BCR: variants seen among roughly 807,000 people sequenced by gnomAD.
BCR encodes breakpoint cluster region protein.
A neutral mutation model predicts 138.6 loss-of-function variants in BCR; 58 were observed. That is an observed-to-expected ratio of 0.42 (90% CI 0.34 to 0.52). The LOEUF is 0.52. Among genes scored for constraint, BCR ranks in the 20% least tolerant of loss-of-function variants. BCR has a pLI of 0.06. For synonymous variants in BCR, 786 were observed against 730.1 expected, an observed-to-expected ratio of 1.08 and a Z score of -1.23; for missense variants, 1,599 against 1,727.2, an observed-to-expected ratio of 0.93 and a Z score of 1.32.
chr22:23,300,022 A>T (rs1481307579), intron 16 of BCR, among the ~76,000 whole-genome samples: 1 of 152,218 alleles, frequency 6.6e-6, no homozygotes. Context: ...AAATTGTAAA[A>T]TAAGCACAAT....
chr22:23,237,392 G>A (rs939368901), intron 1 of BCR, among the ~76,000 whole-genome samples: 13 of 152,240 alleles, frequency 8.5e-5, no homozygotes, highest in Non-Finnish European at 1.8e-4. Context: ...CCGATTGGGA[G>A]TAACAGGTGG....
chr22:23,181,813 G>T lies in BCR; in HGVS notation c.853G>T (p.Gly285Trp), dbSNP rs1311537719. The change falls in exon 1 of 23, where the codon GGG becomes TGG. Residue 285 changes from glycine (G) to tryptophan (W), a missense_variant. Gly to Trp is a radical substitution (Grantham distance 184). This residue lies in a region of BCR where 806 missense variants were observed against 635.0 expected (regional missense o/e 1.27). Coordinates refer to ENST00000305877, the MANE Select transcript of BCR (RefSeq NM_004327.4). ...CCAGCCCTACCAGAGCATCTACGTC[G>T]GGGGCATGATGGAAGGGGAGGGCAA... ...EYQPYQSIYV[G>W]GMMEGEGKGP... 6 of 1,610,696 alleles carry T rather than the reference G, an allele frequency of 3.7e-6. No individual in the cohort carries two copies. The highest frequency in any genetic ancestry group is 4.5e-5 in the East Asian group (2 of 44,882).
intron 1 of BCR, among the ~76,000 whole-genome samples, chr22:23,194,287 C>T (rs910392644): frequency 1.3e-5 from 2 of 152,174 alleles, no homozygotes; most frequent in African/African-American, 4.8e-5. Context: ...TTACCTGAAA[C>T]CTACTTTTCA....
chr22:23,271,131 C>T (rs910833244), intron 5 of BCR, among the ~76,000 whole-genome samples: 6 of 152,330 alleles, frequency 3.9e-5, no homozygotes, highest in South Asian at 4.1e-4. Flanking sequence ...CTCAGCCAGG[C>T]GTGATTTTGT....
At chr22:23,286,473 G>A (rs2073714463) in intron 10 of BCR, among the ~76,000 whole-genome samples, 1 of 152,214 alleles carries the variant, frequency 6.6e-6, no homozygotes, top group Non-Finnish European at 1.5e-5. Context: ...TGTCATCCTT[G>A]TGGGACTGTG....
intron 1 of BCR, among the ~76,000 whole-genome samples, chr22:23,202,969 C>T (rs981229664): frequency 6.6e-6 from 1 of 152,108 alleles, no homozygotes; most frequent in Admixed American, 6.5e-5. Context: ...GTGATCCTCC[C>T]ACCTCAGCCT....
chr22:23,274,464 G>C (rs2073548370), intron 8 of BCR, among the ~76,000 whole-genome samples: 3 of 152,186 alleles, frequency 2.0e-5, no homozygotes, highest in African/African-American at 7.2e-5. Context: ...GTGTAAGCTG[G>C]GGAGCCAGTG....
Position 23,180,923 on chromosome 22 carries a change from G to T in BCR, c.-38G>T. 1.8e-6 allele frequency: 2 copies of T among 1,098,502 alleles called. No individual in the cohort carries two copies. Among genetic ancestry groups the T allele is most frequent in the African/African-American group, 1.7e-5 (1 of 59,312 alleles). 68.0% of individuals were successfully genotyped at this position (1,098,502 alleles called of 1,614,324 possible). A position where few individuals can be genotyped will look rare whatever the true frequency, so the allele number is the denominator to read the frequency against. On this transcript the variant is annotated 5_prime_UTR_variant, in exon 1 of 23. Coordinates refer to ENST00000305877, the MANE Select transcript of BCR (RefSeq NM_004327.4). ...CCGCGCCGCCGCTGAGACGGGCCCC[G>T]CGCGCAGCCCGGCGGCGCAGGTAAG...
In BCR at chr22:23,235,509, G is replaced by A. The variant is rs374915850; in HGVS notation, c.1280-18290G>A. On this transcript the variant is annotated intron_variant, in intron 1 of 22. Transcript: ENST00000305877. ...AAGATGTATATTCCCACTGGGTGGC[G>A]AGGACATAGATGTCCAGGCCCATGT... Among the ~76,000 whole-genome samples the A allele has an allele frequency of 1.4e-5, 2 of 144,488 alleles. 1 individual carries two copies. Among genetic ancestry groups the A allele is most frequent in the Non-Finnish European group, 3.1e-5 (2 of 63,618 alleles). 94.8% of individuals were successfully genotyped at this position (144,488 alleles called of 152,430 possible). A position where few individuals can be genotyped will look rare whatever the true frequency, so the allele number is the denominator to read the frequency against.
chr22:23,208,033 G>T (rs367586511), intron 1 of BCR, among the ~76,000 whole-genome samples: 42 of 152,322 alleles, frequency 2.8e-4, no homozygotes, highest in African/African-American at 9.9e-4. Context: ...TTGGCTCATT[G>T]GCTCCTGGTC....
chr22:23,184,364 T>C (rs1005399022), intron 1 of BCR, among the ~76,000 whole-genome samples: 9 of 152,200 alleles, frequency 5.9e-5, no homozygotes, highest in African/African-American at 2.2e-4. Flanking sequence ...TAGCTGGGGT[T>C]ACAGGGATGA....
chr22:23,208,190 G>A lies in BCR; in HGVS notation c.1279+25951G>A, dbSNP rs558762181. On this transcript the variant is annotated intron_variant, in intron 1 of 22. Coordinates refer to ENST00000305877, the MANE Select transcript of BCR (RefSeq NM_004327.4). ...GCAGCTGTTCAGAAACCTCAATTGG[G>A]CCCTCTGGCATTTGTGAGAACCTTG... Among the ~76,000 whole-genome samples, 4 of 152,282 alleles carry A rather than the reference G, an allele frequency of 2.6e-5. No individual in the cohort carries two copies. In the East Asian group the frequency reaches 5.8e-4, roughly 22 times the overall value.
intron 16 of BCR, among the ~76,000 whole-genome samples, chr22:23,297,232 T>C (rs1782813060): frequency 1.4e-5 from 2 of 140,210 alleles, no homozygotes; most frequent in Non-Finnish European, 1.5e-5. Flanking sequence ...TTTTTTTTTT[T>C]TTTTTCGAGA....
intron 4 of BCR, among the ~76,000 whole-genome samples, chr22:23,266,825 T>A (rs1199038496): frequency 1.3e-5 from 2 of 152,194 alleles, no homozygotes; most frequent in Admixed American, 1.3e-4. Context: ...CATTTTTGAT[T>A]AGTGAAAAAT....
At chr22:23,260,866 G>A (rs775542219) in intron 2 of BCR, 84 bp from the exon 3 acceptor site, 2 of 1,294,832 alleles carry the variant, frequency 1.5e-6, no homozygotes, top group South Asian at 1.2e-5. Context: ...AGGTCAACAA[G>A]CTGGCCCTCC....
chr22:23,238,631 C>T (rs1210291212), intron 1 of BCR, among the ~76,000 whole-genome samples: 6 of 152,132 alleles, frequency 3.9e-5, no homozygotes, highest in Admixed American at 2.6e-4. Flanking sequence ...ACTTCTGGCC[C>T]GTACCTGTTG....
intron 2 of BCR, among the ~76,000 whole-genome samples, chr22:23,254,902 C>A (rs1295970013): frequency 6.6e-6 from 1 of 152,148 alleles, no homozygotes; most frequent in African/African-American, 2.4e-5. Flanking sequence ...GTGGCTCACA[C>A]CTATAATCCC....
At chr22:23,309,192 G>T (rs1438437495) in intron 16 of BCR, among the ~76,000 whole-genome samples, 2 of 152,192 alleles carry the variant, frequency 1.3e-5, no homozygotes, top group East Asian at 3.9e-4. Context: ...GAGGGAGGAG[G>T]GGGTGGGGAC....
intron 1 of BCR, among the ~76,000 whole-genome samples, chr22:23,227,184 G>A (rs2072904749): frequency 6.6e-6 from 1 of 152,214 alleles, no homozygotes. Context: ...TTACAGCAGG[G>A]AGAAGCAGGC....
Sources: gnomAD v4.1 joint callset for allele counts (sites outside exome capture counted in the v4.1 genomes callset) on GRCh38, gnomAD v4.1.1 for gene constraint, gnomAD v4.1.1 regional missense constraint, MANE v1.5 for transcripts, NCBI Gene and HGNC (gene_info 2026-07-23, HGNC 2026-07-21) for gene names.